Variants in RFX3 observed in about 807,000 individuals in gnomAD.
RFX3 encodes transcription factor RFX3.
A neutral mutation model predicts 98.6 loss-of-function variants in RFX3; 14 were observed. The observed-to-expected ratio is 0.14, with a 90% CI of 0.09 to 0.22. RFX3 has a LOEUF of 0.22. Ranked by LOEUF, RFX3 falls within the 10% of genes least tolerant of loss-of-function variation. The probability of loss-of-function intolerance (pLI) is 1.00; values close to 1 mark genes in which losing one functional copy is unlikely to be tolerated. For missense variants in RFX3, 639 were observed against 926.9 expected, an observed-to-expected ratio of 0.69 and a Z score of 4.03; for synonymous variants, 383 against 328.4, an observed-to-expected ratio of 1.17 and a Z score of -1.80.
chr9:3,513,757 A>G (rs1203404770), intron 1 of RFX3, among the ~76,000 whole-genome samples: 1 of 152,156 alleles, frequency 6.6e-6, no homozygotes, highest in Non-Finnish European at 1.5e-5. Flanking sequence ...TCAACCCCCA[A>G]AAATGCTCAA....
intron 1 of RFX3, among the ~76,000 whole-genome samples, chr9:3,474,826 G>A (rs761306554): frequency 7.9e-5 from 12 of 152,188 alleles, no homozygotes; most frequent in Non-Finnish European, 1.3e-4. Context: ...GCCAGGTATG[G>A]TGGCTCATGC....
intron 1 of RFX3, among the ~76,000 whole-genome samples, chr9:3,459,105 T>G (rs1847459820): frequency 6.6e-6 from 1 of 152,134 alleles, no homozygotes; most frequent in African/African-American, 2.4e-5. Flanking sequence ...TAAAGATCTC[T>G]GGAATAAACT....
intron 2 of RFX3, among the ~76,000 whole-genome samples, chr9:3,373,033 G>T (rs1838038763): frequency 6.6e-6 from 1 of 152,044 alleles, no homozygotes; most frequent in Non-Finnish European, 1.5e-5. Context: ...ATCAAAACAG[G>T]TATTTAGTAC....
chr9:3,318,820 G>T (rs1830928040), intron 4 of RFX3, among the ~76,000 whole-genome samples: 2 of 152,136 alleles, frequency 1.3e-5, no homozygotes, highest in Admixed American at 1.3e-4. Context: ...AAAAACGGTT[G>T]CCTAAGAAAC....
intron 2 of RFX3, among the ~76,000 whole-genome samples, chr9:3,392,204 A>C (rs1382780255): frequency 6.6e-6 from 1 of 152,174 alleles, no homozygotes; most frequent in Non-Finnish European, 1.5e-5. Flanking sequence ...AATATGGATA[A>C]ACACCCACAG....
chr9:3,364,038 A>G (rs1587324968), intron 2 of RFX3, among the ~76,000 whole-genome samples: 1 of 152,136 alleles, frequency 6.6e-6, no homozygotes, highest in East Asian at 1.9e-4. Flanking sequence ...GCCATGCCCA[A>G]TTAATTTTTG....
Position 3,288,227 on chromosome 9 carries a change from T to C in RFX3, c.755A>G (p.Tyr252Cys). Residue 252 changes from tyrosine to cysteine, a missense_variant, in exon 7 of 17, where the codon TAT (tyrosine) becomes TGT (cysteine). Physicochemically the swap from Tyr to Cys is radical, Grantham distance 194. Coordinates refer to ENST00000617270, the MANE Select transcript of RFX3 (RefSeq NM_001282116.2). ...GTRGNSKYHY[Y>C]GIRVKPDSPL... ...GGAATCTGGCTTGACACGAATCCCA[T>C]AGTAGTGGTATTTGGAGTTTCCTCT... The C allele has an allele frequency of 6.2e-7, 1 of 1,612,294 alleles. No individual in the cohort carries two copies. Among genetic ancestry groups the C allele is most frequent in the African/African-American group, 1.3e-5 (1 of 74,978 alleles).
chr9:3,354,274 C>T (rs995977835), intron 2 of RFX3, among the ~76,000 whole-genome samples: 38 of 151,704 alleles, frequency 2.5e-4, no homozygotes, highest in Non-Finnish European at 5.5e-4. Context: ...TAAACACGAA[C>T]AGAAGAACAT....
intron 1 of RFX3, among the ~76,000 whole-genome samples, chr9:3,409,227 G>A (rs1388105677): frequency 6.6e-6 from 1 of 152,144 alleles, no homozygotes; most frequent in African/African-American, 2.4e-5. Flanking sequence ...GTGTATAAAT[G>A]ATGGTATAGA....
intron 2 of RFX3, among the ~76,000 whole-genome samples, chr9:3,380,475 T>C (rs1839064271): frequency 6.6e-6 from 1 of 152,162 alleles, no homozygotes; most frequent in South Asian, 2.1e-4. Flanking sequence ...GGTTCATGGC[T>C]CATAACAGAT....
intron 2 of RFX3, among the ~76,000 whole-genome samples, chr9:3,373,302 A>G (rs1184797023): frequency 6.6e-6 from 1 of 152,182 alleles, no homozygotes; most frequent in East Asian, 1.9e-4. Flanking sequence ...ATCTTTTGGC[A>G]GCTAAGACCA....
At chr9:3,486,871 T>C (rs915156849) in intron 1 of RFX3, among the ~76,000 whole-genome samples, 1 of 152,182 alleles carries the variant, frequency 6.6e-6, no homozygotes, top group Non-Finnish European at 1.5e-5. Context: ...TCATAGACTG[T>C]TACAATAAGA....
intron 1 of RFX3, among the ~76,000 whole-genome samples, chr9:3,449,262 G>C (rs1389645056): frequency 1.3e-5 from 2 of 152,072 alleles, no homozygotes; most frequent in Admixed American, 6.6e-5. Context: ...TCAAGCATAG[G>C]TCTCAACATT....
chr9:3,486,446 C>T (rs1198619700), intron 1 of RFX3, among the ~76,000 whole-genome samples: 1 of 152,146 alleles, frequency 6.6e-6, no homozygotes, highest in African/African-American at 2.4e-5. Flanking sequence ...GTTCTTTCCC[C>T]TCCTTTCCTA....
chr9:3,403,467 C>G (rs1841669652), intron 1 of RFX3, among the ~76,000 whole-genome samples: 1 of 152,070 alleles, frequency 6.6e-6, no homozygotes, highest in Non-Finnish European at 1.5e-5. Context: ...GACTGTTCAG[C>G]AGTCATCTTC....
At chr9:3,418,553 C>T (rs1182728106) in intron 1 of RFX3, among the ~76,000 whole-genome samples, 2 of 151,812 alleles carry the variant, frequency 1.3e-5, no homozygotes, top group Non-Finnish European at 2.9e-5. Flanking sequence ...CTAATTTTTG[C>T]GTTTTTAGTA....
rs568486100 is a variant in RFX3, at chr9:3,230,714, C to T, written c.1969-1825G>A. ...TACAGATTTAAGGGAATACTTAACA[C>T]TTAAGTTCTTGAAAGGAGTTGGTAG... On this transcript the variant is annotated intron_variant, in intron 15 of 16. Transcript: ENST00000617270. Among the ~76,000 whole-genome samples the T allele has an allele frequency of 2.6e-5, 4 of 152,254 alleles. No homozygotes were observed. In the East Asian group the frequency reaches 7.7e-4, roughly 29 times the overall value.
intron 1 of RFX3, among the ~76,000 whole-genome samples, chr9:3,502,286 T>G (rs1398539931): frequency 2.0e-5 from 3 of 152,034 alleles, no homozygotes; most frequent in Admixed American, 1.3e-4. Flanking sequence ...TCACTTTCAC[T>G]TTTTAACTAC....
At chr9:3,436,950 T>A (rs555567040) in intron 1 of RFX3, among the ~76,000 whole-genome samples, 3 of 149,024 alleles carry the variant, frequency 2.0e-5, no homozygotes, top group African/African-American at 7.3e-5. Flanking sequence ...ATTAATTTTT[T>A]TAAAAAAAAT....
Sources: gnomAD v4.1 joint callset for allele counts (sites outside exome capture counted in the v4.1 genomes callset) on GRCh38, gnomAD v4.1.1 for gene constraint, MANE v1.5 for transcripts, NCBI Gene and HGNC (gene_info 2026-07-23, HGNC 2026-07-21) for gene names.